The following CRADD variants were observed in gnomAD, a reference collection of about 807,000 sequenced individuals.
CRADD encodes CARD and death domain containing adaptor protein, also known as death domain-containing protein CRADD.
CRADD carries 9 observed loss-of-function variants against 15.5 expected under a neutral mutation model. That is an observed-to-expected ratio of 0.58 (90% CI 0.35 to 1.01). The LOEUF is 1.01. Among genes scored for constraint, CRADD ranks in the 50% least tolerant of loss-of-function variants. The probability of loss-of-function intolerance (pLI) is 0.02; values close to 1 mark genes in which losing one functional copy is unlikely to be tolerated. For synonymous variants in CRADD, 118 were observed against 107.6 expected, an observed-to-expected ratio of 1.10 and a Z score of -0.60; for missense variants, 227 against 250.3, an observed-to-expected ratio of 0.91 and a Z score of 0.63.
intron 2 of CRADD, among the ~76,000 whole-genome samples, chr12:93,686,249 C>G (rs1406031254): frequency 7.6e-6 from 1 of 131,208 alleles, no homozygotes; most frequent in African/African-American, 2.9e-5. Context: ...TGCAGTGAGC[C>G]GAGATTGTGC....
chr12:93,702,305 C>T (rs1210295479), intron 2 of CRADD, among the ~76,000 whole-genome samples: 1 of 151,906 alleles, frequency 6.6e-6, no homozygotes, highest in African/African-American at 2.4e-5. Context: ...CTGGGCTTGG[C>T]AGGGTAGGTG....
chr12:93,701,742 T>C (rs1180881290), intron 2 of CRADD, among the ~76,000 whole-genome samples: 1 of 152,174 alleles, frequency 6.6e-6, no homozygotes, highest in African/African-American at 2.4e-5. Flanking sequence ...TCTGGACCTA[T>C]CTTTGGAGGA....
At chr12:93,798,330 G>T (rs1334929068) in intron 2 of CRADD, among the ~76,000 whole-genome samples, 2 of 152,102 alleles carry the variant, frequency 1.3e-5, no homozygotes, top group African/African-American at 4.8e-5. Context: ...GTATTTCTCG[G>T]TTTTTGTGTT....
chr12:93,725,679 T>A (rs935967613), intron 2 of CRADD, among the ~76,000 whole-genome samples: 1 of 152,244 alleles, frequency 6.6e-6, no homozygotes, highest in African/African-American at 2.4e-5. Context: ...TGGTGCACTG[T>A]TAATGGAAAG....
intron 2 of CRADD, among the ~76,000 whole-genome samples, chr12:93,860,804 G>A (rs538862817): frequency 3.4e-4 from 52 of 152,274 alleles, no homozygotes; most frequent in Non-Finnish European, 6.0e-4. Context: ...TGAAACCAGC[G>A]TAACCAATCA....
intron 2 of CRADD, among the ~76,000 whole-genome samples, chr12:93,778,575 T>G (rs1213611615): frequency 1.8e-4 from 28 of 152,180 alleles, no homozygotes; most frequent in Admixed American, 1.8e-3. Flanking sequence ...ACAATCTTTC[T>G]CTCATGCAAT....
chr12:93,847,067 C>T (rs979956997), intron 2 of CRADD, among the ~76,000 whole-genome samples: 1 of 152,188 alleles, frequency 6.6e-6, no homozygotes, highest in African/African-American at 2.4e-5. Flanking sequence ...CACGCCACTG[C>T]ACTCCAGCCT....
At chr12:93,823,780 G>T (rs1213520902) in intron 2 of CRADD, among the ~76,000 whole-genome samples, 1 of 152,212 alleles carries the variant, frequency 6.6e-6, no homozygotes, top group Non-Finnish European at 1.5e-5. Context: ...GGTAATAGAG[G>T]TGGGAAGTGG....
intron 2 of CRADD, among the ~76,000 whole-genome samples, chr12:93,847,665 C>A (rs1958146695): frequency 6.6e-6 from 1 of 151,748 alleles, no homozygotes. Context: ...CACCTTAGGA[C>A]TAAACAATGG....
chr12:93,740,214 A>G (rs559052945), intron 2 of CRADD, among the ~76,000 whole-genome samples: 168 of 152,296 alleles, frequency 1.1e-3, no homozygotes, highest in Non-Finnish European at 1.6e-3. Context: ...TAGAAAAAAA[A>G]TCTGCCAAAA....
chr12:93,819,615 A>G (rs1319401627), intron 2 of CRADD, among the ~76,000 whole-genome samples: 2 of 152,256 alleles, frequency 1.3e-5, no homozygotes, highest in Non-Finnish European at 2.9e-5. Context: ...TATGATAGCT[A>G]TCCTTCAGGG....
intron 2 of CRADD, among the ~76,000 whole-genome samples, chr12:93,834,549 C>T (rs571957254): frequency 6.6e-6 from 1 of 152,248 alleles, no homozygotes; most frequent in South Asian, 2.1e-4. Context: ...ACTGCAGTGG[C>T]ACAATCTTAG....
chr12:93,720,674 A>G (rs1293005813), intron 2 of CRADD, among the ~76,000 whole-genome samples: 1 of 152,178 alleles, frequency 6.6e-6, no homozygotes, highest in Admixed American at 6.5e-5. Flanking sequence ...GCCTCTCTCT[A>G]TCTCTGATAA....
At chr12:93,835,923 C>G (rs939512444) in intron 2 of CRADD, among the ~76,000 whole-genome samples, 2 of 152,130 alleles carry the variant, frequency 1.3e-5, no homozygotes, top group Non-Finnish European at 1.5e-5. Flanking sequence ...CTGTGTATTA[C>G]CCCTTGAGGA....
intron 2 of CRADD, chr12:93,815,087 C>T (rs2137012048): frequency 6.6e-6 from 1 of 152,280 alleles, no homozygotes; most frequent in South Asian, 2.1e-4. Flanking sequence ...CTAAACAATG[C>T]TCTGGGCAAT....
intron 2 of CRADD, among the ~76,000 whole-genome samples, chr12:93,705,679 G>T (rs890818880): frequency 6.6e-6 from 1 of 152,154 alleles, no homozygotes; most frequent in African/African-American, 2.4e-5. Context: ...TAATGTGTCA[G>T]TAATGGCTCC....
chr12:93,881,876 C>T (rs563302368), intron 2 of CRADD, among the ~76,000 whole-genome samples: 1 of 152,176 alleles, frequency 6.6e-6, no homozygotes, highest in African/African-American at 2.4e-5. Context: ...CCTGTAATCC[C>T]AGCACTTTGG....
At position 93,738,230 on chromosome 12, in the gene CRADD, G is replaced by C. The variant is rs553370418; in HGVS notation, c.298+59158G>C. The C allele has an allele frequency of 1.6e-4, 99 of 623,024 alleles. 1 individual carries two copies. The South Asian group carries it at 1.8e-3, about 12-fold the overall frequency. The allele number at this position is 623,024 out of a possible 1,614,324, so 38.6% of individuals were successfully genotyped here. On this transcript the variant is annotated intron_variant, in intron 2 of 2. Coordinates refer to ENST00000332896, the MANE Select transcript of CRADD (RefSeq NM_003805.5). Reference sequence around the variant, plus strand: ...GAGGAAAAAGGAAGGACTGGCCGAAGAATGGGGTGGGGAGCTGGAGAAGAG... The same window carrying C: ...GAGGAAAAAGGAAGGACTGGCCGAACAATGGGGTGGGGAGCTGGAGAAGAG...
At chr12:93,737,285 T>C (rs1565895322) in intron 2 of CRADD, among the ~76,000 whole-genome samples, 1 of 152,324 alleles carries the variant, frequency 6.6e-6, no homozygotes, top group South Asian at 2.1e-4. Context: ...CAAGGTAGGT[T>C]ATGGACTCTC....
Sources: gnomAD v4.1 joint callset for allele counts (sites outside exome capture counted in the v4.1 genomes callset) on GRCh38, gnomAD v4.1.1 for gene constraint, MANE v1.5 for transcripts, NCBI Gene and HGNC (gene_info 2026-07-23, HGNC 2026-07-21) for gene names.